The following RIMS2 variants were observed in gnomAD, a reference collection of about 807,000 sequenced individuals.
RIMS2 encodes regulating synaptic membrane exocytosis 2, also known as regulating synaptic membrane exocytosis protein 2.
In RIMS2, 59 loss-of-function variants were observed where a neutral mutation model predicts 174.4. The ratio of observed to expected loss-of-function variants is 0.34; its 90% CI spans 0.27 to 0.42. The LOEUF (loss-of-function observed/expected upper bound fraction) is 0.42. Among genes scored for constraint, RIMS2 ranks in the 10% least tolerant of loss-of-function variants. The pLI, the probability that RIMS2 is intolerant of heterozygous loss-of-function variation, is 1.00. For missense variants in RIMS2, 1,620 were observed against 1,666.3 expected (o/e 0.97, Z 0.48); for synonymous variants, 606 against 572.5 (o/e 1.06, Z -0.84).
intron 1 of RIMS2, among the ~76,000 whole-genome samples, chr8:103,591,873 T>A (rs999033638): frequency 6.6e-6 from 1 of 151,206 alleles, no homozygotes; most frequent in African/African-American, 2.4e-5. Context: ...TGGATTAATA[T>A]TCTGTGTTCT....
chr8:103,705,043 G>T (rs1778988202), intron 2 of RIMS2, among the ~76,000 whole-genome samples: 1 of 151,554 alleles, frequency 6.6e-6, no homozygotes, highest in African/African-American at 2.4e-5. Context: ...TGCATTATTT[G>T]GTTGTTTATT....
chr8:103,639,750 A>G (rs972589871), intron 1 of RIMS2, among the ~76,000 whole-genome samples: 4 of 151,942 alleles, frequency 2.6e-5, no homozygotes, highest in Admixed American at 1.3e-4. Flanking sequence ...TGCTAGAAAC[A>G]TTGATGTATA....
chr8:103,770,188 C>G (rs2098234544), intron 3 of RIMS2, among the ~76,000 whole-genome samples: 1 of 152,156 alleles, frequency 6.6e-6, no homozygotes, highest in African/African-American at 2.4e-5. Flanking sequence ...TCTTTTGGAA[C>G]ACAGCCACTC....
chr8:104,120,216 A>G (rs1415802252), intron 19 of RIMS2, among the ~76,000 whole-genome samples: 2 of 152,194 alleles, frequency 1.3e-5, no homozygotes, highest in East Asian at 1.9e-4. Flanking sequence ...TTTAAGTAGC[A>G]TTTAATGTAA....
chr8:103,705,194 T>A (rs2097210279), intron 2 of RIMS2, among the ~76,000 whole-genome samples: 1 of 152,252 alleles, frequency 6.6e-6, no homozygotes, highest in South Asian at 2.1e-4. Context: ...TCTTAATTTC[T>A]TCATTGACTT....
At chr8:104,174,602 A>G (rs2098861889) in intron 19 of RIMS2, among the ~76,000 whole-genome samples, 1 of 152,190 alleles carries the variant, frequency 6.6e-6, no homozygotes, top group African/African-American at 2.4e-5. Context: ...AGCACTTTCT[A>G]GTTTATTAAC....
intron 19 of RIMS2, among the ~76,000 whole-genome samples, chr8:104,162,227 A>G (rs182385923): frequency 6.6e-6 from 1 of 152,182 alleles, no homozygotes; most frequent in African/African-American, 2.4e-5. Flanking sequence ...GAAATACTGT[A>G]GACATATTTT....
intron 1 of RIMS2, among the ~76,000 whole-genome samples, chr8:103,515,251 A>G (rs1042775379): frequency 4.6e-5 from 7 of 152,210 alleles, no homozygotes; most frequent in Non-Finnish European, 7.4e-5. Context: ...ACATTTGACT[A>G]TCACTTTAAC....
exon 8 of RIMS2, chr8:103,916,493 C>T: frequency 6.2e-7 from 1 of 1,611,720 alleles, no homozygotes; most frequent in Non-Finnish European, 8.5e-7. Flanking sequence ...TTCTAGAATC[C>T]AAACCTGAAC....
chr8:103,627,902 C>T (rs187318710), intron 1 of RIMS2, among the ~76,000 whole-genome samples: 24 of 152,220 alleles, frequency 1.6e-4, no homozygotes, highest in Admixed American at 1.3e-3. Flanking sequence ...TTATGTTAAT[C>T]TAGTGCCTTT....
rs148549317 is a variant in RIMS2, at chr8:103,657,269, T to C, written c.177-39817T>C. Among the ~76,000 whole-genome samples, 783 of 152,238 alleles carry C rather than the reference T, an allele frequency of 5.1e-3. 7 individuals are homozygous for C. Among genetic ancestry groups the C allele is most frequent in the African/African-American group, 0.017 (696 of 41,542 alleles). Reference sequence around the variant, plus strand: ...GCAATTCAGAGATTTAGGCTGCTGCTCTCTTGTAAGCCATCTGGAACACAT... The same window carrying C: ...GCAATTCAGAGATTTAGGCTGCTGCCCTCTTGTAAGCCATCTGGAACACAT... On this transcript the variant is annotated intron_variant, in intron 1 of 23. Transcript: ENST00000504942.
intron 17 of RIMS2, 38 bp from the exon 20 acceptor site, chr8:104,013,395 GAAGGGCACT>G: frequency 6.7e-7 from 1 of 1,499,310 alleles, no homozygotes; most frequent in Non-Finnish European, 9.2e-7. Context: ...CCAAATAGCA[GAAGGGCACT>G]AAAGATCAAC....
chr8:103,566,158 C>G (rs1245807268), intron 1 of RIMS2, among the ~76,000 whole-genome samples: 1 of 152,064 alleles, frequency 6.6e-6, no homozygotes, highest in Admixed American at 6.6e-5. Flanking sequence ...TGAGTCAAAT[C>G]CAGTGCCATG....
chr8:103,541,542 A>C (rs761281008), intron 1 of RIMS2, among the ~76,000 whole-genome samples: 1 of 152,250 alleles, frequency 6.6e-6, no homozygotes, highest in Non-Finnish European at 1.5e-5. Flanking sequence ...TTCAAACTGA[A>C]ATAAGAAAAG....
At chr8:104,170,173 TAA>T in intron 19 of RIMS2, among the ~76,000 whole-genome samples, 1 of 152,236 alleles carries the variant, frequency 6.6e-6, no homozygotes, top group African/African-American at 2.4e-5. Context: ...AAATATCTGT[TAA>T]GTTCGTTTGT....
intron 1 of RIMS2, among the ~76,000 whole-genome samples, chr8:103,540,116 C>A (rs1209214880): frequency 6.6e-6 from 1 of 152,206 alleles, no homozygotes; most frequent in African/African-American, 2.4e-5. Flanking sequence ...CCATTTCTGC[C>A]CTGGATCTCA....
chr8:104,011,864 C>T (rs2154553680), intron 17 of RIMS2, among the ~76,000 whole-genome samples: 1 of 151,806 alleles, frequency 6.6e-6, no homozygotes, highest in African/African-American at 2.4e-5. Flanking sequence ...ATAGATATAC[C>T]CTTTGTTTCT....
Position 103,864,349 on chromosome 8 carries a change from A to T in RIMS2, c.699-20949A>T, listed in dbSNP as rs576413234. Among the ~76,000 whole-genome samples the T allele has an allele frequency of 7.2e-5, 11 of 152,278 alleles. No homozygotes were observed. The South Asian group carries it at 1.9e-3, about 26-fold the overall frequency. ...TTCCTCTTAACATTCTTTTTGCTGC[A>T]TCACAGAGGTTTTGGCATGTTGTGT... On this transcript the variant is annotated intron_variant, in intron 3 of 23. Coordinates refer to ENST00000504942, the Ensembl canonical transcript of RIMS2.
intron 19 of RIMS2, among the ~76,000 whole-genome samples, chr8:104,139,481 TTG>T (rs2098549150): frequency 5.3e-5 from 8 of 152,138 alleles, no homozygotes; most frequent in Non-Finnish European, 2.9e-5. Context: ...TTTCACTTCT[TTG>T]GTTAAGTTTA....
Sources: gnomAD v4.1 joint callset for allele counts (sites outside exome capture counted in the v4.1 genomes callset) on GRCh38, gnomAD v4.1.1 for gene constraint, MANE v1.5 for transcripts, NCBI Gene and HGNC (gene_info 2026-07-23, HGNC 2026-07-21) for gene names.